BRINP1: variants seen among roughly 807,000 people sequenced by gnomAD.
BRINP1 encodes BMP/retinoic acid inducible neural specific 1.
Under a neutral mutation model 72.9 loss-of-function variants are expected in BRINP1, and 17 were observed. The ratio of observed to expected loss-of-function variants is 0.23; its 90% CI spans 0.16 to 0.35. BRINP1 has a LOEUF of 0.35. Among genes scored for constraint, BRINP1 ranks in the 10% least tolerant of loss-of-function variants. The pLI, the probability that BRINP1 is intolerant of heterozygous loss-of-function variation, is 1.00. For synonymous variants in BRINP1, 418 were observed against 378.5 expected, an observed-to-expected ratio of 1.10 and a Z score of -1.21; for missense variants, 850 against 1,001.6, an observed-to-expected ratio of 0.85 and a Z score of 2.04.
intron 5 of BRINP1, among the ~76,000 whole-genome samples, chr9:119,235,479 C>T (rs1406275415): frequency 2.0e-5 from 3 of 152,144 alleles, no homozygotes; most frequent in Non-Finnish European, 2.9e-5. Flanking sequence ...ACTTTCCTGA[C>T]TCCCTGGTAC....
intron 1 of BRINP1, among the ~76,000 whole-genome samples, chr9:119,338,444 C>T (rs1246812059): frequency 1.3e-5 from 2 of 152,008 alleles, no homozygotes; most frequent in African/African-American, 4.8e-5. Flanking sequence ...AGAAGAACAA[C>T]AATGATAGGT....
intron 5 of BRINP1, among the ~76,000 whole-genome samples, chr9:119,225,340 AG>A (rs1265198283): frequency 1.3e-5 from 2 of 151,992 alleles, no homozygotes; most frequent in East Asian, 1.9e-4. Context: ...TGGTATCTGC[AG>A]GGGATTGGTC....
intron 7 of BRINP1, among the ~76,000 whole-genome samples, chr9:119,178,555 C>G (rs1352249607): frequency 6.6e-6 from 1 of 152,214 alleles, no homozygotes; most frequent in African/African-American, 2.4e-5. Context: ...GTCATAAACT[C>G]TACAAGGTTC....
intron 1 of BRINP1, among the ~76,000 whole-genome samples, chr9:119,320,295 A>C (rs935236587): frequency 7.9e-5 from 12 of 152,314 alleles, no homozygotes; most frequent in Admixed American, 4.6e-4. Flanking sequence ...CTCTCATCAA[A>C]TGAACTGTGG....
chr9:119,276,865 G>T (rs1184562102), intron 2 of BRINP1, among the ~76,000 whole-genome samples: 1 of 152,024 alleles, frequency 6.6e-6, no homozygotes, highest in Admixed American at 6.6e-5. Flanking sequence ...ATACAATAAA[G>T]CTGATTTAAA....
rs1027212935 is a variant in BRINP1, at chr9:119,183,840, A to T, written c.1146-15616T>A. Among the ~76,000 whole-genome samples the T allele has an allele frequency of 2.0e-5, 3 of 152,132 alleles. No homozygotes were observed. In the East Asian group the frequency reaches 5.8e-4, roughly 29 times the overall value. ...GATATGAAAAAACTGAGGCTCAGAG[A>T]AGGGAAGTAACTTCCTGATGGTCAC... On this transcript the variant is annotated intron_variant, in intron 7 of 7. Coordinates refer to ENST00000265922, the MANE Select transcript of BRINP1 (RefSeq NM_014618.3).
chr9:119,335,200 T>C (rs1831335559), intron 1 of BRINP1, among the ~76,000 whole-genome samples: 1 of 152,144 alleles, frequency 6.6e-6, no homozygotes, highest in Non-Finnish European at 1.5e-5. Context: ...TAAGGCTGCT[T>C]GAGCCAAGTT....
At chr9:119,339,991 C>T (rs930663688) in intron 1 of BRINP1, among the ~76,000 whole-genome samples, 2 of 152,114 alleles carry the variant, frequency 1.3e-5, no homozygotes, top group Non-Finnish European at 2.9e-5. Flanking sequence ...CCTCTCCCTG[C>T]CCCTCCCCAA....
At chr9:119,188,422 G>A (rs1029997189) in intron 7 of BRINP1, among the ~76,000 whole-genome samples, 1 of 152,110 alleles carries the variant, frequency 6.6e-6, no homozygotes, top group African/African-American at 2.4e-5. Flanking sequence ...GTCTTTCCCA[G>A]ACAAAGAAAA....
At chr9:119,188,620 T>TA (rs201744915) in intron 7 of BRINP1, among the ~76,000 whole-genome samples, 2,037 of 151,650 alleles carry the variant, frequency 0.013, 16 homozygotes, top group Non-Finnish European at 0.022. Context: ...AAAATAATCA[T>TA]AAAAAAATAC....
At chr9:119,293,490 T>A (rs995932736) in intron 2 of BRINP1, among the ~76,000 whole-genome samples, 10 of 152,172 alleles carry the variant, frequency 6.6e-5, no homozygotes, top group African/African-American at 2.4e-4. Flanking sequence ...CCAGTGATAA[T>A]AAGGGACCCA....
intron 7 of BRINP1, among the ~76,000 whole-genome samples, chr9:119,207,489 C>T (rs768430129): frequency 1.3e-5 from 2 of 152,160 alleles, no homozygotes; most frequent in Non-Finnish European, 1.5e-5. Context: ...AATTGCTAAG[C>T]CTGAGCACCA....
intron 7 of BRINP1, among the ~76,000 whole-genome samples, chr9:119,191,397 C>T (rs1353438729): frequency 6.6e-6 from 1 of 151,608 alleles, no homozygotes; most frequent in Non-Finnish European, 1.5e-5. Flanking sequence ...CCAAAGATCC[C>T]CCCACAAAAA....
chr9:119,196,165 C>A (rs907873125), intron 7 of BRINP1, among the ~76,000 whole-genome samples: 1 of 152,154 alleles, frequency 6.6e-6, no homozygotes, highest in African/African-American at 2.4e-5. Context: ...GCAGTGAAGA[C>A]AGACTTAATC....
At chr9:119,326,579 G>T (rs184344674) in intron 1 of BRINP1, among the ~76,000 whole-genome samples, 1 of 152,046 alleles carries the variant, frequency 6.6e-6, no homozygotes, top group African/African-American at 2.4e-5. Flanking sequence ...AAATGTGAGG[G>T]TCTAAATTCA....
At chr9:119,328,882 A>G (rs1831266245) in intron 1 of BRINP1, among the ~76,000 whole-genome samples, 1 of 152,188 alleles carries the variant, frequency 6.6e-6, no homozygotes, top group African/African-American at 2.4e-5. Flanking sequence ...ACAAAAACAA[A>G]CAAACAAAAA....
At chr9:119,350,824 A>T (rs767159172) in intron 1 of BRINP1, among the ~76,000 whole-genome samples, 18 of 152,294 alleles carry the variant, frequency 1.2e-4, no homozygotes, top group East Asian at 1.9e-4. Context: ...AATATATATA[A>T]AAATGTACCT....
chr9:119,321,479 AT>A lies in BRINP1; in HGVS notation c.-50-8075del, dbSNP rs755402038. 2.0e-3 allele frequency among the ~76,000 whole-genome samples: 305 copies of A among 151,998 alleles called. 1 individual carries two copies. Among genetic ancestry groups the A allele is most frequent in the Middle Eastern group, 3.4e-3 (1 of 294 alleles). On this transcript the variant is annotated intron_variant, in intron 1 of 7. Coordinates refer to ENST00000265922, the MANE Select transcript of BRINP1 (RefSeq NM_014618.3). ...TTAGCAAGAATAATGGAATTTATTT[AT>A]TTTTTTTATTTATTTATTTTTTAGT...
intron 1 of BRINP1, among the ~76,000 whole-genome samples, chr9:119,346,019 G>C (rs1432413804): frequency 6.6e-6 from 1 of 152,100 alleles, no homozygotes. Flanking sequence ...TCCAGAACCT[G>C]ACCTCTTAAC....
Sources: allele counts gnomAD v4.1 joint callset (sites outside exome capture counted in the v4.1 genomes callset), GRCh38; gene constraint gnomAD v4.1.1; transcripts MANE v1.5; gene names NCBI Gene and HGNC (gene_info 2026-07-23, HGNC 2026-07-21).